Variants in SUGCT observed in about 807,000 individuals in gnomAD.
SUGCT encodes the protein succinyl-CoA:glutarate CoA-transferase.
Under a neutral mutation model 55.0 loss-of-function variants are expected in SUGCT, and 41 were observed. The observed-to-expected ratio is 0.74, with a 90% CI of 0.58 to 0.97. SUGCT has a LOEUF of 0.97. Ranked by LOEUF, SUGCT falls within the 50% of genes least tolerant of loss-of-function variation. The pLI is 0.00. For synonymous variants in SUGCT, 187 were observed against 200.4 expected (o/e 0.93, Z 0.56); for missense variants, 568 against 547.8 (o/e 1.04, Z -0.37).
intron 6 of SUGCT, among the ~76,000 whole-genome samples, chr7:40,222,806 T>A (rs1194093137): frequency 6.6e-6 from 1 of 152,056 alleles, no homozygotes; most frequent in African/African-American, 2.4e-5. Flanking sequence ...ATTTTTGTAT[T>A]TTTAGTAGAG....
chr7:40,874,324 A>G, the SUGCT span, among the ~76,000 whole-genome samples: 1 of 152,254 alleles, frequency 6.6e-6, no homozygotes, highest in African/African-American at 2.4e-5. Context: ...AAGAACCGTC[A>G]TAATCTGCCT....
At chr7:40,535,029 T>G (rs1461573250) in intron 12 of SUGCT, among the ~76,000 whole-genome samples, 1 of 152,174 alleles carries the variant, frequency 6.6e-6, no homozygotes, top group Admixed American at 6.5e-5. Context: ...AGAACAAATT[T>G]GCATTCAATT....
At chr7:40,244,292 A>G (rs1789667438) in intron 7 of SUGCT, among the ~76,000 whole-genome samples, 1 of 152,196 alleles carries the variant, frequency 6.6e-6, no homozygotes, top group African/African-American at 2.4e-5. Flanking sequence ...ATGTGGATGG[A>G]TTAAGACATT....
chr7:40,204,330 T>A (rs970654873), intron 6 of SUGCT, among the ~76,000 whole-genome samples: 1 of 145,894 alleles, frequency 6.9e-6, no homozygotes, highest in Non-Finnish European at 1.5e-5. Flanking sequence ...TGATACGGAG[T>A]CTTGCTCTGT....
intron 6 of SUGCT, 111 bp downstream of exon 6, chr7:40,195,171 T>C: frequency 1.6e-6 from 2 of 1,269,490 alleles, no homozygotes; most frequent in South Asian, 3.8e-5. Context: ...GTTATTCTGT[T>C]TTCCTTTTTC....
chr7:40,219,768 A>G (rs1347489835), intron 6 of SUGCT, among the ~76,000 whole-genome samples: 1 of 152,200 alleles, frequency 6.6e-6, no homozygotes. Flanking sequence ...AAAGGGCAGA[A>G]AAAAACCTGT....
the SUGCT span, among the ~76,000 whole-genome samples, chr7:40,944,979 C>A: frequency 8.6e-3 from 1,306 of 152,146 alleles, 18 homozygotes; most frequent in African/African-American, 0.029. Context: ...TGGTAGAGGT[C>A]TCTTGAGGCT....
At chr7:40,424,080 C>T (rs1787459571) in intron 9 of SUGCT, among the ~76,000 whole-genome samples, 1 of 152,026 alleles carries the variant, frequency 6.6e-6, no homozygotes, top group African/African-American at 2.4e-5. Context: ...TATTTTTTGG[C>T]ATTTACATTT....
intron 12 of SUGCT, chr7:40,684,171 G>A: frequency 6.4e-7 from 1 of 1,552,578 alleles, no homozygotes; most frequent in Non-Finnish European, 8.7e-7. Context: ...CTCACTTCCT[G>A]CAGCCAGGAA....
chr7:40,194,956 A>T lies in SUGCT; in HGVS notation c.380A>T (p.Asp127Val), dbSNP rs1283355302. 1.2e-6 allele frequency: 2 copies of T among 1,613,348 alleles called. No individual in the cohort carries two copies. ...KIIKELAAVC[D>V]VFVENYVPGK... is the part of the protein sequence containing the mutation. ...TTCCATCAGCTTGCAGCTGTTTGTG[A>T]TGTGTTTGTGGAAAACTATGTCCCT... The change falls in exon 6 of 14, where the codon GAT becomes GTT. Residue 127 changes from aspartate (D) to valine (V), a missense_variant. By Grantham distance (152) the Asp-to-Val change is radical. Transcript: ENST00000335693.
chr7:40,742,289 A>G (rs1429132705), intron 12 of SUGCT, among the ~76,000 whole-genome samples: 1 of 152,188 alleles, frequency 6.6e-6, no homozygotes, highest in African/African-American at 2.4e-5. Context: ...GTTTCAAAGA[A>G]GTAAGATAAC....
At chr7:40,599,057 A>G (rs572507971) in intron 12 of SUGCT, among the ~76,000 whole-genome samples, 1 of 152,312 alleles carries the variant, frequency 6.6e-6, no homozygotes, top group South Asian at 2.1e-4. Context: ...ACTTCCTTCT[A>G]AATGAAATAC....
At chr7:40,566,071 T>C (rs992454103) in intron 12 of SUGCT, among the ~76,000 whole-genome samples, 3 of 150,518 alleles carry the variant, frequency 2.0e-5, no homozygotes, top group Non-Finnish European at 4.4e-5. Flanking sequence ...TAATATACAC[T>C]CAGTGAATAT....
At chr7:40,900,914 A>G in the SUGCT span, among the ~76,000 whole-genome samples, 1 of 152,260 alleles carries the variant, frequency 6.6e-6, no homozygotes, top group African/African-American at 2.4e-5. Context: ...AATTCAAAAT[A>G]TAAGATAAAT....
rs368341731 is a variant in SUGCT, at chr7:40,574,486, C to T, written c.1089+78100C>T. ...TTGCTCTGTTGCCCAGGCTGGAGTGCAGTGGTGTGATCTTGGCTCACTGCA... is the reference window on the plus strand; with the variant it reads ...TTGCTCTGTTGCCCAGGCTGGAGTGTAGTGGTGTGATCTTGGCTCACTGCA... On this transcript the variant is annotated intron_variant, in intron 12 of 13. Coordinates refer to ENST00000335693, the MANE Select transcript of SUGCT (RefSeq NM_001193313.2). Among the ~76,000 whole-genome samples, 3 of 151,978 alleles carry T rather than the reference C, an allele frequency of 2.0e-5. No individual in the cohort carries two copies. In the East Asian group the frequency reaches 5.8e-4, roughly 29 times the overall value.
At chr7:40,524,930 G>A (rs1793724729) in intron 12 of SUGCT, among the ~76,000 whole-genome samples, 1 of 152,142 alleles carries the variant, frequency 6.6e-6, no homozygotes, top group African/African-American at 2.4e-5. Context: ...CCTACACTGT[G>A]AGCCTCTGGG....
At chr7:40,907,787 A>G in the SUGCT span, among the ~76,000 whole-genome samples, 66 of 152,312 alleles carry the variant, frequency 4.3e-4, no homozygotes, top group Middle Eastern at 3.4e-3. Flanking sequence ...ACAATGCCTG[A>G]GACACACTGC....
intron 12 of SUGCT, among the ~76,000 whole-genome samples, chr7:40,514,943 C>G (rs1451213467): frequency 6.6e-6 from 1 of 152,080 alleles, no homozygotes; most frequent in Non-Finnish European, 1.5e-5. Flanking sequence ...TAATTTGATT[C>G]ACAGAATATC....
the SUGCT span, among the ~76,000 whole-genome samples, chr7:40,997,290 A>G: frequency 6.6e-6 from 1 of 152,162 alleles, no homozygotes; most frequent in East Asian, 1.9e-4. Flanking sequence ...ATGCACACCC[A>G]CTGCCACTGC....
Sources: gnomAD v4.1 joint callset for allele counts (sites outside exome capture counted in the v4.1 genomes callset) on GRCh38, gnomAD v4.1.1 for gene constraint, MANE v1.5 for transcripts, NCBI Gene and HGNC (gene_info 2026-07-23, HGNC 2026-07-21) for gene names.